The following FTO variants were observed in gnomAD, a reference collection of about 807,000 sequenced individuals.
FTO encodes alpha-ketoglutarate-dependent dioxygenase FTO.
In FTO, 47 loss-of-function variants were observed where a neutral mutation model predicts 63.9. That is an observed-to-expected ratio of 0.74 (90% confidence interval 0.58 to 0.94). FTO has a LOEUF of 0.94. Among genes scored for constraint, FTO ranks in the 40% least tolerant of loss-of-function variants. The pLI, the probability that FTO is intolerant of heterozygous loss-of-function variation, is 0.00. For synonymous variants in FTO, 207 were observed against 224.4 expected, an observed-to-expected ratio of 0.92 and a Z score of 0.69; for missense variants, 562 against 618.1, an observed-to-expected ratio of 0.91 and a Z score of 0.96.
chr16:54,049,361 G>A (rs2085260280), intron 8 of FTO, among the ~76,000 whole-genome samples: 1 of 152,170 alleles, frequency 6.6e-6, no homozygotes, highest in East Asian at 1.9e-4. Flanking sequence ...AAAAGAGATG[G>A]CTGCCCGTTT....
At chr16:54,016,140 C>A (rs1372793846) in intron 8 of FTO, among the ~76,000 whole-genome samples, 3 of 152,118 alleles carry the variant, frequency 2.0e-5, no homozygotes, top group Admixed American at 2.0e-4. Context: ...GAGGAAGTAA[C>A]ACTTCCCAAA....
At chr16:53,792,212 G>A (rs1211194958) in intron 1 of FTO, among the ~76,000 whole-genome samples, 1 of 152,284 alleles carries the variant, frequency 6.6e-6, no homozygotes, top group East Asian at 1.9e-4. Context: ...TACTAAATAA[G>A]TTATTCTTTT....
intron 1 of FTO, among the ~76,000 whole-genome samples, chr16:53,749,712 C>G (rs1467933731): frequency 1.3e-5 from 2 of 151,938 alleles, no homozygotes; most frequent in African/African-American, 2.4e-5. Flanking sequence ...GTGCTGGGAT[C>G]ACAAGCGTGA....
intron 8 of FTO, among the ~76,000 whole-genome samples, chr16:53,976,353 G>A (rs996295083): frequency 3.3e-5 from 5 of 152,072 alleles, no homozygotes; most frequent in African/African-American, 1.2e-4. Context: ...TCAAATGGAC[G>A]GGCAATTGGC....
chr16:53,829,628 G>A (rs1248447576), intron 3 of FTO, among the ~76,000 whole-genome samples: 1 of 152,242 alleles, frequency 6.6e-6, no homozygotes, highest in South Asian at 2.1e-4. Flanking sequence ...GGAGGTCATA[G>A]AGAGTGGACA....
At chr16:53,749,932 A>G (rs1249645213) in intron 1 of FTO, among the ~76,000 whole-genome samples, 1 of 152,202 alleles carries the variant, frequency 6.6e-6, no homozygotes, top group Non-Finnish European at 1.5e-5. Context: ...TGTAGAATGT[A>G]ATTTCAATTG....
intron 8 of FTO, among the ~76,000 whole-genome samples, chr16:54,079,215 G>A (rs2086078750): frequency 6.6e-6 from 1 of 152,092 alleles, no homozygotes; most frequent in African/African-American, 2.4e-5. Flanking sequence ...CTTAGAGATG[G>A]GGTAGTATTT....
chr16:53,925,455 G>A (rs565165100), intron 7 of FTO, among the ~76,000 whole-genome samples: 4 of 152,230 alleles, frequency 2.6e-5, no homozygotes, highest in African/African-American at 9.6e-5. Context: ...GAAATTGCAA[G>A]AACAGTAGTA....
At chr16:54,019,421 A>G (rs1231794868) in intron 8 of FTO, among the ~76,000 whole-genome samples, 3 of 152,164 alleles carry the variant, frequency 2.0e-5, no homozygotes, top group African/African-American at 7.2e-5. Flanking sequence ...CCTCTGCCAT[A>G]CTCATAGAAC....
rs373997296 is a variant in FTO, at chr16:53,811,741, C to T, written c.123+1524C>T. 3.3e-5 allele frequency among the ~76,000 whole-genome samples: 5 copies of T among 152,160 alleles called. 1 individual carries two copies. Among genetic ancestry groups the T allele is most frequent in the Admixed American group, 2.6e-4 (4 of 15,276 alleles). On this transcript the variant is annotated intron_variant, in intron 2 of 8. Transcript: ENST00000471389. ...GGATTTTTGCAGTACTTTAAATTTG[C>T]TATGAGTTTCATCTTTGGGGCCTTC...
chr16:53,872,459 TTTTGA>T (rs922764969), intron 4 of FTO, among the ~76,000 whole-genome samples: 3 of 152,196 alleles, frequency 2.0e-5, no homozygotes, highest in Non-Finnish European at 4.4e-5. Flanking sequence ...AGACTCTGGG[TTTTGA>T]CTTCCTCTTC....
rs142473306 is a variant in FTO, at chr16:54,092,532, G to T, written c.1365-19230G>T. ...CCAAAATTACCTTGCTGAAAAATGAGAATTCCTTCTCTTTGAGGAAAGATC... is the reference window on the plus strand; with the variant it reads ...CCAAAATTACCTTGCTGAAAAATGATAATTCCTTCTCTTTGAGGAAAGATC... On this transcript the variant is annotated intron_variant, in intron 8 of 8. Transcript: ENST00000471389. Among the ~76,000 whole-genome samples, 1,054 of 152,232 alleles carry T rather than the reference G, an allele frequency of 6.9e-3. 12 individuals carry two copies. The highest frequency in any genetic ancestry group is 0.01 in the Middle Eastern group (3 of 294).
intron 3 of FTO, among the ~76,000 whole-genome samples, chr16:53,828,841 T>C (rs2151783420): frequency 6.6e-6 from 1 of 152,308 alleles, no homozygotes; most frequent in South Asian, 2.1e-4. Context: ...TATGAGCAGG[T>C]ATTTCTTATC....
chr16:54,059,193 G>A (rs1363258448), intron 8 of FTO, among the ~76,000 whole-genome samples: 1 of 152,204 alleles, frequency 6.6e-6, no homozygotes, highest in African/African-American at 2.4e-5. Context: ...GATTTACCTT[G>A]CAGCCGAGTG....
chr16:53,840,056 GC>G (rs1292249627), intron 3 of FTO, among the ~76,000 whole-genome samples: 60 of 152,142 alleles, frequency 3.9e-4, no homozygotes, highest in African/African-American at 1.1e-3. Flanking sequence ...ACCCACCTCA[GC>G]CTCCCAATGT....
At chr16:53,911,963 T>C (rs1472413117) in intron 7 of FTO, among the ~76,000 whole-genome samples, 1 of 152,244 alleles carries the variant, frequency 6.6e-6, no homozygotes, top group Middle Eastern at 3.2e-3. Context: ...TATAAAGTTG[T>C]GGTAGTATTT....
intron 4 of FTO, among the ~76,000 whole-genome samples, chr16:53,851,953 T>C (rs1032261456): frequency 1.3e-5 from 2 of 151,996 alleles, no homozygotes; most frequent in African/African-American, 4.8e-5. Context: ...CTTAAACATA[T>C]ATATACTTGT....
chr16:53,749,658 C>A (rs368474107), intron 1 of FTO, among the ~76,000 whole-genome samples: 1 of 151,888 alleles, frequency 6.6e-6, no homozygotes, highest in African/African-American at 2.4e-5. Flanking sequence ...CCAGGATGGT[C>A]TCGATCTCCT....
chr16:53,862,282 A>C (rs899356756), intron 4 of FTO, among the ~76,000 whole-genome samples: 4 of 151,952 alleles, frequency 2.6e-5, no homozygotes, highest in African/African-American at 9.7e-5. Flanking sequence ...ACCACCACCA[A>C]CAACTCTATG....
Sources: gnomAD v4.1 joint callset for allele counts (sites outside exome capture counted in the v4.1 genomes callset) on GRCh38, gnomAD v4.1.1 for gene constraint, MANE v1.5 for transcripts, NCBI Gene and HGNC (gene_info 2026-07-23, HGNC 2026-07-21) for gene names.